The following TNRC6A variants were observed in gnomAD, a reference collection of about 807,000 sequenced individuals.
The protein encoded by TNRC6A is trinucleotide repeat-containing gene 6A protein.
A neutral mutation model predicts 221.2 loss-of-function variants in TNRC6A; 44 were observed. The ratio of observed to expected loss-of-function variants is 0.20; its 90% CI spans 0.16 to 0.26. The LOEUF (loss-of-function observed/expected upper bound fraction) is 0.26, where lower values mean the gene tolerates loss of function less well. Among genes scored for constraint, TNRC6A ranks in the 10% least tolerant of loss-of-function variants. The pLI, the probability that TNRC6A is intolerant of heterozygous loss-of-function variation, is 1.00. For synonymous variants in TNRC6A, 847 were observed against 838.5 expected, an observed-to-expected ratio of 1.01 and a Z score of -0.18; for missense variants, 2,199 against 2,404.4, an observed-to-expected ratio of 0.91 and a Z score of 1.79.
chr16:24,733,925 C>CA (rs935693114), intron 2 of TNRC6A, among the ~76,000 whole-genome samples: 3 of 152,226 alleles, frequency 2.0e-5, no homozygotes, highest in Non-Finnish European at 2.9e-5. Flanking sequence ...CCTGTAATCC[C>CA]AGCACTTTGG....
chr16:24,795,937 A>G lies in TNRC6A; in HGVS notation c.3559A>G (p.Arg1187Gly), dbSNP rs1455900304. Residue 1187 changes from arginine to glycine, a missense_variant and splice_region_variant, in exon 9 of 25, where the codon AGG becomes GGG. Transcript: ENST00000395799. Reference protein sequence around the residue: ...GLSGKKRRRERGMMKGGNKQE... With the variant: ...GLSGKKRRREGGMMKGGNKQE... ...GAGTGGCAAAAAAAGGAGAAGGGAA[A>G]GGGTGTGTAGCCTTTTTACTCTTTC... 6.2e-7 allele frequency: 1 copy of G among 1,611,710 alleles called. No individual in the cohort carries two copies. The highest frequency in any genetic ancestry group is 1.7e-5 in the Admixed American group (1 of 59,906).
At chr16:24,733,023 CCT>C (rs2151190027) in intron 2 of TNRC6A, among the ~76,000 whole-genome samples, 1 of 152,256 alleles carries the variant, frequency 6.6e-6, no homozygotes, top group Non-Finnish European at 1.5e-5. Context: ...TCGAGACCAG[CCT>C]GGCCAACATA....
chr16:24,820,367 T>C lies in TNRC6A; in HGVS notation c.5302+7T>C. 6.2e-7 allele frequency: 1 copy of C among 1,613,694 alleles called. No individual in the cohort carries two copies. The highest frequency in any genetic ancestry group is 8.5e-7 in the Non-Finnish European group (1 of 1,179,560). On this transcript the variant is annotated splice_region_variant and intron_variant, in intron 22 of 24. Coordinates refer to ENST00000395799, the MANE Select transcript of TNRC6A (RefSeq NM_014494.4). Reference sequence around the variant, plus strand: ...GACGCCAGATATACCCCAGGTAAGATGCAGTCGTAAGGTGGGTTTCTGTGG... The same window carrying C: ...GACGCCAGATATACCCCAGGTAAGACGCAGTCGTAAGGTGGGTTTCTGTGG...
At chr16:24,680,773 G>GT (rs1319439654) in intron 2 of TNRC6A, among the ~76,000 whole-genome samples, 2 of 149,050 alleles carry the variant, frequency 1.3e-5, no homozygotes, top group Non-Finnish European at 3.0e-5. Flanking sequence ...TTGTTTGTTT[G>GT]TTTTTTGACA....
chr16:24,740,434 C>T (rs574691527), intron 2 of TNRC6A, among the ~76,000 whole-genome samples: 7 of 152,162 alleles, frequency 4.6e-5, no homozygotes, highest in South Asian at 2.1e-4. Context: ...TTCCAGTTCA[C>T]GAACATGGAA....
At position 24,631,275 on chromosome 16, in the gene TNRC6A, T is replaced by C. The variant is rs183223820; in HGVS notation, n.277-9609T>C. 3.1e-4 allele frequency among the ~76,000 whole-genome samples: 47 copies of C among 152,224 alleles called. 2 individuals carry two copies. Among genetic ancestry groups the C allele is most frequent in the Admixed American group, 1.8e-3 (27 of 15,296 alleles). On this transcript the variant is annotated intron_variant and non_coding_transcript_variant, in intron 1 of 2. Coordinates refer to the TNRC6A transcript ENST00000566108. ...CCTACAACTGCTTGAGAAACCTGTATGGTGAAGGCCACAGATTCTCTTCAG... is the reference window on the plus strand; with the variant it reads ...CCTACAACTGCTTGAGAAACCTGTACGGTGAAGGCCACAGATTCTCTTCAG...
intron 2 of TNRC6A, among the ~76,000 whole-genome samples, chr16:24,709,710 T>C (rs2056166828): frequency 6.8e-6 from 1 of 147,772 alleles, no homozygotes; most frequent in Non-Finnish European, 1.5e-5. Flanking sequence ...CTGTAGTCCC[T>C]GCTATGCGGG....
intron 4 of TNRC6A, among the ~76,000 whole-genome samples, chr16:24,766,829 A>G (rs919541425): frequency 6.6e-6 from 1 of 151,922 alleles, no homozygotes; most frequent in African/African-American, 2.4e-5. Flanking sequence ...GGCGCCTGCC[A>G]CCACACCCAG....
chr16:24,819,157 G>A (rs560473162), intron 21 of TNRC6A, among the ~76,000 whole-genome samples: 1 of 152,294 alleles, frequency 6.6e-6, no homozygotes, highest in Admixed American at 6.5e-5. Flanking sequence ...TTCTGGACTC[G>A]TCCTGCAGCA....
rs534142993 is a variant in TNRC6A at position 24,611,411 on chromosome 16, T to C, written n.276+927T>C. On this transcript the variant is annotated intron_variant and non_coding_transcript_variant, in intron 1 of 2. Coordinates refer to the TNRC6A transcript ENST00000566108. ...GCTTGGGGCCATCAGAACTGTTTCC[T>C]GGGAGGTGGTTTCTTGGCTCCACAC... is the stretch of plus-strand genomic sequence containing the variant. 1.2e-3 allele frequency among the ~76,000 whole-genome samples: 182 copies of C among 152,282 alleles called. 2 individuals are homozygous for C. Among genetic ancestry groups the C allele is most frequent in the Middle Eastern group, 3.4e-3 (1 of 294 alleles).
chr16:24,808,719 A>G (rs2058483771), intron 17 of TNRC6A, among the ~76,000 whole-genome samples: 1 of 152,268 alleles, frequency 6.6e-6, no homozygotes. Context: ...TTGGAACTTT[A>G]GAATAAGAAC....
At chr16:24,622,483 C>T (rs1326136868) in intron 1 of TNRC6A, among the ~76,000 whole-genome samples, 4 of 151,870 alleles carry the variant, frequency 2.6e-5, no homozygotes, top group Non-Finnish European at 5.9e-5. Flanking sequence ...TGCCTGTAAT[C>T]CCTGGGAGGC....
chr16:24,718,024 C>T (rs917899419), intron 2 of TNRC6A, among the ~76,000 whole-genome samples: 2 of 152,096 alleles, frequency 1.3e-5, no homozygotes, highest in Non-Finnish European at 2.9e-5. Context: ...GTGATCCACC[C>T]ACCTCAGCCT....
chr16:24,709,347 A>G (rs1313848887), intron 2 of TNRC6A, among the ~76,000 whole-genome samples: 1 of 152,114 alleles, frequency 6.6e-6, no homozygotes, highest in African/African-American at 2.4e-5. Context: ...GCTGGATTAA[A>G]TGGTTGATCT....
chr16:24,623,060 G>T (rs547247452), intron 1 of TNRC6A, among the ~76,000 whole-genome samples: 4 of 152,188 alleles, frequency 2.6e-5, no homozygotes, highest in Non-Finnish European at 4.4e-5. Flanking sequence ...CAGAGGAACC[G>T]CTGTGCGTAC....
chr16:24,752,746 G>T (rs1299275364), intron 3 of TNRC6A, among the ~76,000 whole-genome samples: 1 of 152,158 alleles, frequency 6.6e-6, no homozygotes, highest in African/African-American at 2.4e-5. Flanking sequence ...TATTGAAAAG[G>T]ATGGTTGGAT....
In TNRC6A at chr16:24,825,219, G is replaced by T. The variant is rs1373975437; in HGVS notation, c.*1412G>T. The stretch of plus-strand genomic sequence containing the variant: ...TCCCCCCTTTTTTTGCCCACAAATG[G>T]TATTATAATGCTTGCTTAGTCAAAG... On this transcript the variant is annotated 3_prime_UTR_variant, in exon 25 of 25. Coordinates refer to ENST00000395799, the MANE Select transcript of TNRC6A (RefSeq NM_014494.4). 2 of 152,492 alleles carry T rather than the reference G, an allele frequency of 1.3e-5. No individual in the cohort carries two copies. Among genetic ancestry groups the T allele is most frequent in the African/African-American group, 4.8e-5 (2 of 41,386 alleles). The allele number at this position is 152,492 out of a possible 1,614,324, so 9.4% of individuals were successfully genotyped here.
chr16:24,659,875 C>T (rs1337294061), intron 2 of TNRC6A, among the ~76,000 whole-genome samples: 1 of 152,118 alleles, frequency 6.6e-6, no homozygotes, highest in Non-Finnish European at 1.5e-5. Context: ...AAGATGTATC[C>T]TCTATTATTA....
At chr16:24,663,937 C>A (rs1406081000) in intron 2 of TNRC6A, 1 of 456,572 alleles carries the variant, frequency 2.2e-6, no homozygotes, top group African/African-American at 2.0e-5. Flanking sequence ...CCTGCAGGAA[C>A]AGGTGAAGAG....
Sources: gnomAD v4.1 joint callset for allele counts (sites outside exome capture counted in the v4.1 genomes callset) on GRCh38, gnomAD v4.1.1 for gene constraint, MANE v1.5 for transcripts, NCBI Gene and HGNC (gene_info 2026-07-23, HGNC 2026-07-21) for gene names.